ZFAND3: variants seen among roughly 807,000 people sequenced by gnomAD.
ZFAND3 encodes zinc finger AN1-type containing 3.
In ZFAND3, 10 loss-of-function variants were observed where a neutral mutation model predicts 29.6. That is an observed-to-expected ratio of 0.34 (90% CI 0.21 to 0.57). The LOEUF (loss-of-function observed/expected upper bound fraction) is 0.57, where lower values mean the gene tolerates loss of function less well. Among genes scored for constraint, ZFAND3 ranks in the 20% least tolerant of loss-of-function variants. The probability of loss-of-function intolerance (pLI) is 0.86; values close to 1 mark genes in which losing one functional copy is unlikely to be tolerated. For missense variants in ZFAND3, 230 were observed against 304.5 expected (o/e 0.76, Z 1.82); for synonymous variants, 128 against 112.6 (o/e 1.14, Z -0.87).
intron 2 of ZFAND3, among the ~76,000 whole-genome samples, chr6:37,967,104 T>C (rs550057858): frequency 6.6e-6 from 1 of 152,344 alleles, no homozygotes; most frequent in East Asian, 1.9e-4. Context: ...TGGGCTTTAG[T>C]ACTGTAAAGT....
At chr6:37,911,038 C>T (rs1341903574) in intron 1 of ZFAND3, among the ~76,000 whole-genome samples, 1 of 151,168 alleles carries the variant, frequency 6.6e-6, no homozygotes, top group Non-Finnish European at 1.5e-5. Flanking sequence ...ATCCTGATTC[C>T]ATTCCTTTGG....
At chr6:38,036,112 A>G (rs1194152738) in intron 2 of ZFAND3, among the ~76,000 whole-genome samples, 1 of 152,188 alleles carries the variant, frequency 6.6e-6, no homozygotes, top group African/African-American at 2.4e-5. Context: ...ACAGAATAAT[A>G]TATTCCCTGA....
At chr6:37,876,886 T>A (rs1764803485) in intron 1 of ZFAND3, among the ~76,000 whole-genome samples, 1 of 152,242 alleles carries the variant, frequency 6.6e-6, no homozygotes, top group Non-Finnish European at 1.5e-5. Context: ...TTTCGATGTT[T>A]AGTTGTTTTT....
intron 5 of ZFAND3, among the ~76,000 whole-genome samples, chr6:38,131,159 C>G (rs56206533): frequency 6.6e-6 from 1 of 152,038 alleles, no homozygotes; most frequent in Non-Finnish European, 1.5e-5. Flanking sequence ...GTAATCTCTT[C>G]CGTTTCATTT....
intron 3 of ZFAND3, 73 bp downstream of exon 3, chr6:38,061,848 T>C (rs1326264132): frequency 1.3e-6 from 2 of 1,519,816 alleles, no homozygotes; most frequent in African/African-American, 2.8e-5. Flanking sequence ...TGGTAATGCC[T>C]GACCCCAGAA....
intron 5 of ZFAND3, among the ~76,000 whole-genome samples, chr6:38,148,744 G>A (rs1425430151): frequency 6.6e-6 from 1 of 152,008 alleles, no homozygotes; most frequent in Non-Finnish European, 1.5e-5. Context: ...ACCTCTACCC[G>A]CCATCCCCTG....
intron 5 of ZFAND3, among the ~76,000 whole-genome samples, chr6:38,118,310 T>C (rs1209106600): frequency 6.6e-6 from 1 of 152,212 alleles, no homozygotes; most frequent in African/African-American, 2.4e-5. Flanking sequence ...CCAGCTTCGC[T>C]CCACTCTGCA....
intron 5 of ZFAND3, among the ~76,000 whole-genome samples, chr6:38,141,693 A>G (rs931597861): frequency 6.6e-6 from 1 of 152,236 alleles, no homozygotes; most frequent in Non-Finnish European, 1.5e-5. Flanking sequence ...GACTTCTCAA[A>G]GGAGAATGGA....
At chr6:38,141,668 T>G (rs567802571) in intron 5 of ZFAND3, among the ~76,000 whole-genome samples, 1 of 152,338 alleles carries the variant, frequency 6.6e-6, no homozygotes, top group African/African-American at 2.4e-5. Context: ...ACATTCGTTC[T>G]CTTTTGTCGG....
intron 2 of ZFAND3, among the ~76,000 whole-genome samples, chr6:37,989,646 A>G (rs368439684): frequency 6.6e-6 from 1 of 152,218 alleles, no homozygotes; most frequent in African/African-American, 2.4e-5. Context: ...AGCAAGCCAC[A>G]TAAGTTATCT....
rs1351248518 is a variant in ZFAND3 at position 38,077,445 on chromosome 6, A to C, written c.296-4947A>C. Among the ~76,000 whole-genome samples the C allele has an allele frequency of 2.6e-5, 4 of 151,892 alleles. 1 individual carries two copies. The highest frequency in any genetic ancestry group is 9.7e-5 in the African/African-American group (4 of 41,390). Reference sequence around the variant, plus strand: ...GATACTTTTATGTAAATGTCATGTTAAGTAAGAAAATTGAAGTGTTACAGA... The same window carrying C: ...GATACTTTTATGTAAATGTCATGTTCAGTAAGAAAATTGAAGTGTTACAGA... On this transcript the variant is annotated intron_variant, in intron 3 of 5. Coordinates refer to ENST00000287218, the MANE Select transcript of ZFAND3 (RefSeq NM_021943.3).
chr6:37,831,586 T>C (rs1292805719), intron 1 of ZFAND3, among the ~76,000 whole-genome samples: 1 of 152,198 alleles, frequency 6.6e-6, no homozygotes, highest in Non-Finnish European at 1.5e-5. Flanking sequence ...AGAACTCTAA[T>C]GGGCAGCTTA....
At chr6:38,036,765 T>TTAAAAA (rs1304740524) in intron 2 of ZFAND3, among the ~76,000 whole-genome samples, 2 of 152,182 alleles carry the variant, frequency 1.3e-5, no homozygotes, top group Non-Finnish European at 2.9e-5. Context: ...ATATTTTTTA[T>TTAAAAA]TAAAAATCTT....
chr6:38,096,265 C>G (rs1367000733), intron 4 of ZFAND3, among the ~76,000 whole-genome samples: 1 of 151,644 alleles, frequency 6.6e-6, no homozygotes, highest in Non-Finnish European at 1.5e-5. Flanking sequence ...CTCCGCCTCT[C>G]GGGTTTAAGC....
intron 2 of ZFAND3, among the ~76,000 whole-genome samples, chr6:37,964,649 T>C (rs17648097): frequency 0.066 from 10,049 of 152,304 alleles, 410 homozygotes; most frequent in Non-Finnish European, 0.095. Context: ...TACTCTCTTA[T>C]ATACCGCAGA....
chr6:38,053,559 T>C (rs921832559), intron 2 of ZFAND3, among the ~76,000 whole-genome samples: 1 of 152,050 alleles, frequency 6.6e-6, no homozygotes, highest in African/African-American at 2.4e-5. Flanking sequence ...TGTTGCACAC[T>C]GGTAGTTGCA....
At chr6:38,142,813 T>C (rs959730695) in intron 5 of ZFAND3, among the ~76,000 whole-genome samples, 2 of 152,164 alleles carry the variant, frequency 1.3e-5, no homozygotes, top group African/African-American at 4.8e-5. Context: ...TGAAATGAAA[T>C]GATGTTTGAA....
rs55850662 is a variant in ZFAND3 at position 37,859,862 on chromosome 6, GTT to G, written c.71+39859_71+39860del. On this transcript the variant is annotated intron_variant, in intron 1 of 5. Transcript: ENST00000287218. ...AGCTCTGTTGCCCAGGCTGGAGTGG[GTT>G]TTTTTTTTTTTTCTTTCTTTTTTTG... Among the ~76,000 whole-genome samples, 438 of 133,320 alleles carry G rather than the reference GTT, an allele frequency of 3.3e-3. 2 individuals carry two copies. The highest frequency in any genetic ancestry group is 0.011 in the African/African-American group (409 of 36,438). 87.5% of individuals were successfully genotyped at this position (133,320 alleles called of 152,430 possible). A position where few individuals can be genotyped will look rare whatever the true frequency, so the allele number is the denominator to read the frequency against.
At chr6:37,856,964 G>A (rs1764395437) in intron 1 of ZFAND3, among the ~76,000 whole-genome samples, 1 of 148,984 alleles carries the variant, frequency 6.7e-6, no homozygotes, top group South Asian at 2.1e-4. Context: ...TTTTTTTTGA[G>A]ACAAGATCTC....
Sources: gnomAD v4.1 joint callset for allele counts (sites outside exome capture counted in the v4.1 genomes callset) on GRCh38, gnomAD v4.1.1 for gene constraint, MANE v1.5 for transcripts, NCBI Gene and HGNC (gene_info 2026-07-23, HGNC 2026-07-21) for gene names.